The following BOC variants were observed in gnomAD, a reference collection of about 807,000 sequenced individuals.
The protein encoded by BOC is BOC cell adhesion associated, oncogene regulated.
BOC carries 76 observed loss-of-function variants against 112.0 expected under a neutral mutation model. That is an observed-to-expected ratio of 0.68 (90% CI 0.56 to 0.82). The LOEUF (loss-of-function observed/expected upper bound fraction) is 0.82. Among genes scored for constraint, BOC ranks in the 40% least tolerant of loss-of-function variants. The pLI is 0.00. For missense variants in BOC, 1,309 were observed against 1,511.7 expected (o/e 0.87, Z 2.22); for synonymous variants, 580 against 599.8 (o/e 0.97, Z 0.48).
rs771932279 is a variant in BOC, at chr3:113,272,635, G to A, written c.893G>A (p.Arg298His). 4.5e-5 allele frequency: 73 copies of A among 1,613,812 alleles called. No individual in the cohort carries two copies. The highest frequency in any genetic ancestry group is 5.3e-5 in the Non-Finnish European group (62 of 1,180,000). The change falls in exon 7 of 20, where the codon CGC becomes CAC. Residue 298 changes from arginine to histidine, a missense_variant. Transcript: ENST00000682979. ...AGCGAGGAGGACTCAGGCACCTACC[G>A]CTGCATGGCCGACAATGGGGTTGGG... ...TTSEEDSGTY[R>H]CMADNGVGQP... is the part of the protein sequence containing the mutation.
chr3:113,236,294 A>ATATATATACCCATGGG (rs1553726916), intron 2 of BOC, among the ~76,000 whole-genome samples: 8 of 98,908 alleles, frequency 8.1e-5, no homozygotes, highest in African/African-American at 3.6e-4. Flanking sequence ...ATATATATAT[A>ATATATATACCCATGGG]TATATATATA....
At chr3:113,222,553 C>G (rs1272275671) in intron 2 of BOC, among the ~76,000 whole-genome samples, 1 of 152,178 alleles carries the variant, frequency 6.6e-6, no homozygotes, top group Non-Finnish European at 1.5e-5. Flanking sequence ...AGGTAACTGC[C>G]CTCAGGAATG....
At chr3:113,279,100 G>A in intron 11 of BOC, 149 bp from the exon 12 acceptor site, 1 of 809,600 alleles carries the variant, frequency 1.2e-6, no homozygotes. Context: ...GAGGTCTGAT[G>A]TGAACACCAG....
intron 2 of BOC, among the ~76,000 whole-genome samples, chr3:113,239,822 A>AGCTCTC (rs1944054901): frequency 6.6e-6 from 1 of 152,150 alleles, no homozygotes; most frequent in South Asian, 2.1e-4. Flanking sequence ...CCTTGTGTGG[A>AGCTCTC]GCTCTCCTCT....
rs762534609 is a variant in BOC, at chr3:113,278,180, G to A, written c.1628G>A (p.Gly543Glu). ...HRLTLTRLDP[G>E]SLYEVEMAAY... is the part of the protein sequence containing the mutation. ...CTGACCCTCACCAGACTTGACCCCG[G>A]GAGCTTGTATGAAGTGGAGATGGCA... Residue 543 changes from glycine (G) to glutamate (E), a missense_variant, in exon 10 of 20, where the codon GGG becomes GAG. Physicochemically the swap from Gly to Glu is moderately conservative, Grantham distance 98. Coordinates refer to ENST00000682979, the MANE Select transcript of BOC (RefSeq NM_001378074.1). This position sits in a 1 kb window ranked among gnomAD's most constrained non-coding sequence, Gnocchi z 4.2. The A allele has an allele frequency of 3.1e-6, 5 of 1,614,210 alleles. No individual in the cohort carries two copies. The South Asian group carries it at 4.4e-5, about 14-fold the overall frequency.
At chr3:113,221,006 T>G (rs1940522498) in intron 2 of BOC, among the ~76,000 whole-genome samples, 1 of 152,134 alleles carries the variant, frequency 6.6e-6, no homozygotes, top group Admixed American at 6.5e-5. Flanking sequence ...TGGAGCCACT[T>G]CCAAGTTTGA....
Position 113,287,011 on chromosome 3 carries a change from T to A in BOC, c.*149T>A. ...CTTGTAAATAAATGTATATGTTTTA[T>A]AATTCTGGAGAGACATAAGGAGTCC... On this transcript the variant is annotated 3_prime_UTR_variant, in exon 20 of 20. Coordinates refer to ENST00000682979, the MANE Select transcript of BOC (RefSeq NM_001378074.1). The A allele has an allele frequency of 3.2e-6, 3 of 932,182 alleles. No homozygotes were observed. The highest frequency in any genetic ancestry group is 4.9e-6 in the Non-Finnish European group (3 of 609,368). The allele number at this position is 932,182 out of a possible 1,614,324, so 57.7% of individuals were successfully genotyped here. A position where few individuals can be genotyped will look rare whatever the true frequency, so the allele number is the denominator to read the frequency against.
chr3:113,277,277 C>T lies in BOC; in HGVS notation c.1543-818C>T, dbSNP rs116442346. Among the ~76,000 whole-genome samples the T allele has an allele frequency of 5.5e-3, 844 of 152,338 alleles. 6 individuals carry two copies. The highest frequency in any genetic ancestry group is 0.019 in the African/African-American group (788 of 41,562). Reference sequence around the variant, plus strand: ...CTGTGGGGCACTTTATACAACTTCTCTCATTTAATCTTCAGAATAACCTGA... The same window carrying T: ...CTGTGGGGCACTTTATACAACTTCTTTCATTTAATCTTCAGAATAACCTGA... On this transcript the variant is annotated intron_variant, in intron 9 of 19. Transcript: ENST00000682979.
At chr3:113,282,601 C>A (rs533671618) in intron 15 of BOC, among the ~76,000 whole-genome samples, 1 of 152,056 alleles carries the variant, frequency 6.6e-6, no homozygotes, top group Admixed American at 6.5e-5. Context: ...GCTCCTGCCC[C>A]GTGCAGGGGG....
At chr3:113,215,081 T>G (rs1283817362) in intron 1 of BOC, among the ~76,000 whole-genome samples, 2 of 152,226 alleles carry the variant, frequency 1.3e-5, no homozygotes, top group Non-Finnish European at 1.5e-5. Context: ...AGAACAGATG[T>G]AGCCAACTAC....
rs1269389532 is a variant in BOC at position 113,278,783 on chromosome 3, C to T, written c.1816C>T (p.Pro606Ser). The T allele has an allele frequency of 2.3e-5, 35 of 1,554,048 alleles. No homozygotes were observed. The highest frequency in any genetic ancestry group is 1.8e-4 in the Admixed American group (9 of 51,398). The part of the protein sequence containing the change: ...SSQPDHGRLS[P>S]PEAPDRPTIS... The stretch of plus-strand genomic sequence containing the variant: ...CCAGCCAGACCACGGCCGCCTCTCC[C>T]GTAAGCCGCTAGCAGCAGGGACGGA... The change falls in exon 11 of 20, where the codon CCC (proline) becomes TCC (serine). Residue 606 changes from proline to serine, a missense_variant and splice_region_variant. Transcript: ENST00000682979. The surrounding 1 kb of genome is among the most constrained non-coding windows in gnomAD (Gnocchi z 4.2).
At chr3:113,265,849 G>A (rs961878020) in intron 4 of BOC, among the ~76,000 whole-genome samples, 3 of 152,238 alleles carry the variant, frequency 2.0e-5, no homozygotes, top group Admixed American at 6.5e-5. Flanking sequence ...GCAGAGGCAG[G>A]TTGCACACCC....
intron 15 of BOC, among the ~76,000 whole-genome samples, chr3:113,281,796 ACATTTTTCTCT>A (rs1949226280): frequency 2.0e-5 from 3 of 152,216 alleles, no homozygotes; most frequent in African/African-American, 7.2e-5. Flanking sequence ...ACAGAACAAC[ACATTTTTCTCT>A]CATCAAGGCA....
Position 113,279,248 on chromosome 3 carries a change from GC to G in BOC, c.1820del (p.Pro607GlnfsTer19). ...TCCTCACTGGATACGGTCTTTCCCA[GC>G]CCCAGAAGCTCCCGACAGGCCCACC... ...SSQPDHGRLS[P>X]PEAPDRPTIS... is the part of the protein sequence containing the mutation. On this transcript the variant is annotated frameshift_variant and splice_region_variant, in exon 12 of 20. Coordinates refer to ENST00000682979, the MANE Select transcript of BOC (RefSeq NM_001378074.1). LOFTEE classifies it high-confidence loss of function. The G allele has an allele frequency of 6.2e-7, 1 of 1,612,602 alleles. No individual in the cohort carries two copies. The highest frequency in any genetic ancestry group is 8.5e-7 in the Non-Finnish European group (1 of 1,179,144).
chr3:113,244,710 G>T (rs1376970144), intron 2 of BOC, among the ~76,000 whole-genome samples: 1 of 152,140 alleles, frequency 6.6e-6, no homozygotes, highest in East Asian at 1.9e-4. Context: ...TACGGAAGGG[G>T]CTTATGCAAT....
At chr3:113,272,377 C>G (rs764119165) in intron 6 of BOC, 33 bp from the exon 7 acceptor site, 1 of 1,602,332 alleles carries the variant, frequency 6.2e-7, no homozygotes, top group Non-Finnish European at 8.5e-7. Flanking sequence ...CTGGTCCACA[C>G]GCCTTCTGTC....
chr3:113,268,158 A>G, intron 4 of BOC, 141 bp from the exon 5 acceptor site: 1 of 1,311,028 alleles, frequency 7.6e-7, no homozygotes, highest in South Asian at 1.5e-5. Flanking sequence ...AAGGGGCTGG[A>G]GGAAGAACTC....
Position 113,281,766 on chromosome 3 carries a change from A to G in BOC, c.2434+613A>G, listed in dbSNP as rs376057062. Among the ~76,000 whole-genome samples, 45 of 152,386 alleles carry G rather than the reference A, an allele frequency of 3.0e-4. No homozygotes were observed. In the South Asian group the frequency reaches 7.0e-3, roughly 24 times the overall value. ...CAAAGAACATAATCAGGAGAAGATC[A>G]CAAAGGAATAGGAATAGAGACAGAA... On this transcript the variant is annotated intron_variant, in intron 15 of 19. Coordinates refer to ENST00000682979, the MANE Select transcript of BOC (RefSeq NM_001378074.1).
chr3:113,247,643 C>T (rs1427087498), intron 2 of BOC, among the ~76,000 whole-genome samples: 1 of 152,096 alleles, frequency 6.6e-6, no homozygotes, highest in Non-Finnish European at 1.5e-5. Flanking sequence ...ATTTTCTCTC[C>T]TGTAAAATGG....
Sources: allele counts gnomAD v4.1 joint callset (sites outside exome capture counted in the v4.1 genomes callset), GRCh38; gene constraint gnomAD v4.1.1; non-coding constraint Gnocchi (gnomAD v3.1); transcripts MANE v1.5; gene names NCBI Gene and HGNC (gene_info 2026-07-23, HGNC 2026-07-21).